Variants in CNST observed in about 807,000 individuals in gnomAD.
The protein encoded by CNST is consortin, connexin sorting protein.
CNST carries 39 observed loss-of-function variants against 72.4 expected under a neutral mutation model. The observed-to-expected ratio is 0.54, with a 90% CI of 0.42 to 0.70. The LOEUF (loss-of-function observed/expected upper bound fraction) is 0.70, where lower values mean the gene tolerates loss of function less well. Ranked by LOEUF, CNST falls within the 30% of genes least tolerant of loss-of-function variation. The pLI, the probability that CNST is intolerant of heterozygous loss-of-function variation, is 0.00. For missense variants in CNST, 871 were observed against 868.5 expected, an observed-to-expected ratio of 1.00 and a Z score of -0.04; for synonymous variants, 332 against 320.1, an observed-to-expected ratio of 1.04 and a Z score of -0.40.
chr1:246,662,494 T>C (rs961503191), intron 10 of CNST, among the ~76,000 whole-genome samples: 18 of 152,216 alleles, frequency 1.2e-4, no homozygotes, highest in Non-Finnish European at 8.8e-5. Flanking sequence ...GTTCAAGCGA[T>C]TCTTCTGCCT....
chr1:246,659,496 G>A (rs1354851723), intron 9 of CNST, among the ~76,000 whole-genome samples: 1 of 152,096 alleles, frequency 6.6e-6, no homozygotes, highest in Non-Finnish European at 1.5e-5. Context: ...CCCGGAGGCT[G>A]AGGCAGGAGA....
chr1:246,661,888 C>G (rs75659342), intron 10 of CNST, among the ~76,000 whole-genome samples: 4,610 of 152,248 alleles, frequency 0.03, 254 homozygotes, highest in African/African-American at 0.11. Flanking sequence ...GATTTTACTT[C>G]TGCACCTTGC....
intron 2 of CNST, among the ~76,000 whole-genome samples, chr1:246,604,407 G>A (rs1193793484): frequency 6.6e-6 from 1 of 152,158 alleles, no homozygotes; most frequent in Non-Finnish European, 1.5e-5. Context: ...GCCATTAAAT[G>A]TGTTTCTCTG....
At chr1:246,568,957 T>C (rs1659894145) in intron 1 of CNST, among the ~76,000 whole-genome samples, 1 of 152,126 alleles carries the variant, frequency 6.6e-6, no homozygotes. Context: ...TGGTCTCAAA[T>C]TCCTGGCCTC....
At chr1:246,647,008 G>A in intron 8 of CNST, 131 bp from the exon 9 acceptor site, 1 of 795,998 alleles carries the variant, frequency 1.3e-6, no homozygotes, top group African/African-American at 1.7e-5. Context: ...ACACTATTAT[G>A]CAACAGACAG....
chr1:246,634,258 A>G (rs1028975705), intron 5 of CNST: 1 of 561,130 alleles, frequency 1.8e-6, no homozygotes, highest in Non-Finnish European at 3.1e-6. Context: ...ATTTTTCCTA[A>G]TCACATTTCA....
chr1:246,646,623 G>A (rs1666093274), intron 8 of CNST, among the ~76,000 whole-genome samples: 1 of 152,112 alleles, frequency 6.6e-6, no homozygotes, highest in African/African-American at 2.4e-5. Flanking sequence ...TGGGATTACA[G>A]GCATGTGCCA....
chr1:246,581,900 C>T (rs1660808817), intron 1 of CNST, among the ~76,000 whole-genome samples: 1 of 152,070 alleles, frequency 6.6e-6, no homozygotes, highest in South Asian at 2.1e-4. Context: ...CTGCTAATAT[C>T]ATAGGCAAAA....
At chr1:246,605,702 C>CAGCCCTCTTCCTGCTTCT (rs1662703679) in intron 2 of CNST, among the ~76,000 whole-genome samples, 4 of 141,332 alleles carry the variant, frequency 2.8e-5, no homozygotes, top group Non-Finnish European at 1.6e-5. Context: ...GTCTTCCGGC[C>CAGCCCTCTTCCTGCTTCT]GGGGTAGGTG....
intron 3 of CNST, among the ~76,000 whole-genome samples, chr1:246,630,265 T>C (rs1664694976): frequency 6.6e-6 from 1 of 152,218 alleles, no homozygotes. Flanking sequence ...GGTTACACCA[T>C]TATATGAAAT....
chr1:246,646,668 C>T (rs1263801856), intron 8 of CNST, among the ~76,000 whole-genome samples: 3 of 152,096 alleles, frequency 2.0e-5, no homozygotes, highest in Non-Finnish European at 2.9e-5. Flanking sequence ...TTAATAGAGA[C>T]GGGGTTTCTC....
chr1:246,614,444 C>T (rs1253808079), intron 2 of CNST, among the ~76,000 whole-genome samples: 2 of 151,998 alleles, frequency 1.3e-5, no homozygotes, highest in African/African-American at 4.8e-5. Context: ...ATAATAATTG[C>T]CACTCTTTAC....
At chr1:246,662,462 C>T (rs998063980) in intron 10 of CNST, among the ~76,000 whole-genome samples, 1 of 152,188 alleles carries the variant, frequency 6.6e-6, no homozygotes, top group African/African-American at 2.4e-5. Context: ...GATCTTGGCT[C>T]GCTGCAACCT....
chr1:246,587,921 C>T (rs1214803972), intron 1 of CNST, among the ~76,000 whole-genome samples: 1 of 152,100 alleles, frequency 6.6e-6, no homozygotes, highest in East Asian at 1.9e-4. Flanking sequence ...TTAATTTCTT[C>T]ATATTTTTAA....
At chr1:246,568,142 AGAAAG>A (rs1659841495) in intron 1 of CNST, among the ~76,000 whole-genome samples, 1 of 152,204 alleles carries the variant, frequency 6.6e-6, no homozygotes, top group African/African-American at 2.4e-5. Flanking sequence ...TTAAAAAAAA[AGAAAG>A]AAAGAAAAAG....
intron 1 of CNST, among the ~76,000 whole-genome samples, chr1:246,574,085 G>T (rs1660227885): frequency 6.6e-6 from 1 of 152,136 alleles, no homozygotes; most frequent in Non-Finnish European, 1.5e-5. Context: ...TGTTGCCCAG[G>T]CTGGAGTGCA....
chr1:246,645,573 G>A (rs530189138), intron 8 of CNST, among the ~76,000 whole-genome samples: 1 of 151,518 alleles, frequency 6.6e-6, no homozygotes, highest in South Asian at 2.1e-4. Flanking sequence ...GACTACAGGC[G>A]CCCGCCACCG....
At chr1:246,662,122 C>T (rs998032868) in intron 10 of CNST, among the ~76,000 whole-genome samples, 8 of 152,124 alleles carry the variant, frequency 5.3e-5, no homozygotes, top group South Asian at 2.1e-4. Context: ...TATTGAAAAG[C>T]GTGTCAGATA....
At chr1:246,658,543 A>G (rs756211700) in intron 9 of CNST, among the ~76,000 whole-genome samples, 4 of 152,208 alleles carry the variant, frequency 2.6e-5, no homozygotes, top group Non-Finnish European at 5.9e-5. Context: ...ATCTTGGTCT[A>G]TTTGGCCCTA....
Sources: allele counts gnomAD v4.1 joint callset (sites outside exome capture counted in the v4.1 genomes callset), GRCh38; gene constraint gnomAD v4.1.1; transcripts MANE v1.5; gene names NCBI Gene and HGNC (gene_info 2026-07-23, HGNC 2026-07-21).